Variants in MET observed in about 807,000 individuals in gnomAD.
The protein encoded by MET is MET proto-oncogene, receptor tyrosine kinase.
MET carries 48 observed loss-of-function variants against 133.1 expected under a neutral mutation model. That is an observed-to-expected ratio of 0.36 (90% confidence interval 0.29 to 0.46). The LOEUF (loss-of-function observed/expected upper bound fraction) is 0.46. MET is among the 20% of genes least tolerant of loss of function. The pLI is 1.00. For missense variants in MET, 1,442 were observed against 1,695.9 expected (o/e 0.85, Z 2.63); for synonymous variants, 628 against 616.5 (o/e 1.02, Z -0.28).
chr7:116,730,784 G>A (rs1196726849), intron 2 of MET, among the ~76,000 whole-genome samples: 2 of 152,158 alleles, frequency 1.3e-5, no homozygotes, highest in African/African-American at 4.8e-5. Flanking sequence ...CAGGCAGGAG[G>A]AAGATTGTGG....
chr7:116,716,494 AAAG>A (rs1314847440), intron 2 of MET, among the ~76,000 whole-genome samples: 1 of 149,454 alleles, frequency 6.7e-6, no homozygotes, highest in African/African-American at 2.5e-5. Context: ...AGAAAGAAAG[AAAG>A]AAAGAAAGAA....
In MET at chr7:116,798,119, TAGAA is replaced by T; in HGVS notation, c.*2000_*2003del. 4.5e-6 allele frequency: 1 copy of T among 220,144 alleles called. No individual in the cohort carries two copies. The highest frequency in any genetic ancestry group is 6.7e-5 in the East Asian group (1 of 15,010). The allele number at this position is 220,144 out of a possible 1,614,324, so 13.6% of individuals were successfully genotyped here. ...AGGGTCAAGAGCATGAACGCATCAA[TAGAA>T]AGAACTCGGGGAAACATCCCATCAA... On this transcript the variant is annotated 3_prime_UTR_variant, in exon 21 of 21. Coordinates refer to ENST00000397752, the MANE Select transcript of MET (RefSeq NM_000245.4).
At chr7:116,691,879 A>T (rs914250784) in intron 1 of MET, among the ~76,000 whole-genome samples, 3 of 152,348 alleles carry the variant, frequency 2.0e-5, no homozygotes, top group African/African-American at 7.2e-5. Context: ...TTGAAAGGCC[A>T]GCCTGGTTTG....
intron 10 of MET, among the ~76,000 whole-genome samples, chr7:116,760,995 A>G (rs900355310): frequency 9.9e-5 from 15 of 152,180 alleles, no homozygotes; most frequent in Non-Finnish European, 5.9e-5. Context: ...TTGGTATGAG[A>G]CCTTTTAAAG....
chr7:116,731,135 A>G (rs1349386552), intron 2 of MET, among the ~76,000 whole-genome samples: 2 of 152,218 alleles, frequency 1.3e-5, no homozygotes, highest in African/African-American at 4.8e-5. Context: ...ACATAAAGCA[A>G]GTAAGCATTA....
chr7:116,790,180 G>C (rs975743514), intron 19 of MET, among the ~76,000 whole-genome samples: 17 of 152,262 alleles, frequency 1.1e-4, no homozygotes, highest in African/African-American at 4.1e-4. Context: ...ACACAGTACA[G>C]TATTGTTAAC....
chr7:116,710,308 G>A (rs949268377), intron 2 of MET, among the ~76,000 whole-genome samples: 1 of 152,124 alleles, frequency 6.6e-6, no homozygotes, highest in Non-Finnish European at 1.5e-5. Context: ...AACAAAGTAG[G>A]TAAAACTTGT....
At chr7:116,750,616 G>T (rs1417443780) in intron 5 of MET, among the ~76,000 whole-genome samples, 2 of 152,162 alleles carry the variant, frequency 1.3e-5, no homozygotes, top group African/African-American at 2.4e-5. Context: ...CACAGCAAAA[G>T]AAACTATCAT....
intron 17 of MET, among the ~76,000 whole-genome samples, 198 bp downstream of exon 17, chr7:116,779,155 A>G (rs1482519148): frequency 6.6e-6 from 1 of 152,190 alleles, no homozygotes; most frequent in Non-Finnish European, 1.5e-5. Flanking sequence ...TGGAGCAATG[A>G]TTCTTACTTG....
chr7:116,726,167 A>ATATATATATATATACACACACACAC, intron 2 of MET, among the ~76,000 whole-genome samples: 2 of 122,032 alleles, frequency 1.6e-5, no homozygotes, highest in Non-Finnish European at 3.5e-5. Context: ...ATATATATAT[A>ATATATATATATATACACACACACAC]TATATATATA....
chr7:116,716,331 G>GAC lies in MET; in HGVS notation c.1201-15336_1201-15335insCA, dbSNP rs1210196447. On this transcript the variant is annotated intron_variant, in intron 2 of 20. Coordinates refer to ENST00000397752, the MANE Select transcript of MET (RefSeq NM_000245.4). Reference sequence around the variant, plus strand: ...AGAGAGAGAGAGAGAGAGAGAGAGAGAGAGAGAAAAGAAACGGAGAGAGAG... The same window carrying GAC: ...AGAGAGAGAGAGAGAGAGAGAGAGAGACAGAGAGAAAAGAAACGGAGAGAGAG... 4.6e-5 allele frequency among the ~76,000 whole-genome samples: 6 copies of GAC among 129,810 alleles called. No homozygotes were observed. The East Asian group carries it at 1.3e-3, about 27-fold the overall frequency. 85.2% of individuals were successfully genotyped at this position (129,810 alleles called of 152,430 possible). A position where few individuals can be genotyped will look rare whatever the true frequency, so the allele number is the denominator to read the frequency against.
intron 3 of MET, among the ~76,000 whole-genome samples, chr7:116,735,633 G>A (rs190896373): frequency 1.3e-5 from 2 of 152,122 alleles, no homozygotes; most frequent in Non-Finnish European, 2.9e-5. Context: ...CACAGCTGAA[G>A]GAAGCTTCAA....
At chr7:116,705,097 A>T (rs1334911583) in intron 2 of MET, among the ~76,000 whole-genome samples, 2 of 152,120 alleles carry the variant, frequency 1.3e-5, no homozygotes, top group African/African-American at 2.4e-5. Flanking sequence ...TCAAAACAAG[A>T]TGCAAACAAG....
chr7:116,691,558 A>G (rs1796779116), intron 1 of MET, among the ~76,000 whole-genome samples: 1 of 152,208 alleles, frequency 6.6e-6, no homozygotes, highest in South Asian at 2.1e-4. Flanking sequence ...AAGAAATTTT[A>G]CTGGCTCGCC....
chr7:116,701,582 A>G (rs561631218), intron 2 of MET, among the ~76,000 whole-genome samples: 31 of 152,248 alleles, frequency 2.0e-4, no homozygotes, highest in Non-Finnish European at 3.5e-4. Flanking sequence ...TCTCTCTTCC[A>G]AAGTCTATGA....
chr7:116,753,418 G>A (rs1329169055), intron 5 of MET, among the ~76,000 whole-genome samples: 1 of 152,102 alleles, frequency 6.6e-6, no homozygotes, highest in Non-Finnish European at 1.5e-5. Flanking sequence ...TTTTTAACTT[G>A]GAAATGTGTT....
At chr7:116,738,058 A>C (rs1793291693) in intron 3 of MET, among the ~76,000 whole-genome samples, 1 of 152,230 alleles carries the variant, frequency 6.6e-6, no homozygotes, top group Non-Finnish European at 1.5e-5. Context: ...AATAATCTTC[A>C]GTGAAGTGCA....
chr7:116,761,189 AC>A (rs1304993591), intron 10 of MET, among the ~76,000 whole-genome samples: 8 of 152,324 alleles, frequency 5.3e-5, no homozygotes, highest in Non-Finnish European at 1.2e-4. Context: ...CATGAGAGTT[AC>A]ATATCCCAAG....
intron 1 of MET, among the ~76,000 whole-genome samples, chr7:116,677,304 T>C (rs1796197084): frequency 6.6e-6 from 1 of 152,236 alleles, no homozygotes; most frequent in African/African-American, 2.4e-5. Context: ...AGTCACTGCA[T>C]TGGATTTTCT....
Sources: allele counts gnomAD v4.1 joint callset (sites outside exome capture counted in the v4.1 genomes callset), GRCh38; gene constraint gnomAD v4.1.1; transcripts MANE v1.5; gene names NCBI Gene and HGNC (gene_info 2026-07-23, HGNC 2026-07-21).